SHISA6: variants seen among roughly 807,000 people sequenced by gnomAD.
SHISA6 encodes the protein protein shisa-6.
A neutral mutation model predicts 47.9 loss-of-function variants in SHISA6; 22 were observed. The observed-to-expected ratio is 0.46, with a 90% CI of 0.33 to 0.66. SHISA6 has a LOEUF of 0.66. Ranked by LOEUF, SHISA6 falls within the 30% of genes least tolerant of loss-of-function variation. The pLI is 0.02. For synonymous variants in SHISA6, 388 were observed against 337.8 expected (o/e 1.15, Z -1.63); for missense variants, 680 against 764.6 (o/e 0.89, Z 1.30).
intron 1 of SHISA6, among the ~76,000 whole-genome samples, chr17:11,245,756 G>GT (rs897239838): frequency 1.3e-5 from 2 of 148,944 alleles, no homozygotes; most frequent in Admixed American, 1.3e-4. Flanking sequence ...GGGTGGGGGG[G>GT]GTGGATATCT....
chr17:11,518,373 GT>G (rs1242065219), intron 3 of SHISA6, among the ~76,000 whole-genome samples: 2 of 152,054 alleles, frequency 1.3e-5, no homozygotes, highest in African/African-American at 4.8e-5. Flanking sequence ...TCAAATGATA[GT>G]TTTTTTGCTT....
rs3034221 is a variant in SHISA6, at chr17:11,397,395, CTGTGTGTGTGTG to C, written c.895+17910_895+17921del. On this transcript the variant is annotated intron_variant, in intron 3 of 5. Transcript: ENST00000441885. ...TAAATGTCTACTCTCTTACCTGCCT[CTGTGTGTGTGTG>C]TGTGTGTGTGTGTGTGTGTGTGTTC... Among the ~76,000 whole-genome samples, 945 of 140,520 alleles carry C rather than the reference CTGTGTGTGTGTG, an allele frequency of 6.7e-3. 10 individuals carry two copies. Among genetic ancestry groups the C allele is most frequent in the African/African-American group, 0.021 (753 of 36,410 alleles). 92.2% of individuals were successfully genotyped at this position (140,520 alleles called of 152,430 possible).
intron 3 of SHISA6, among the ~76,000 whole-genome samples, chr17:11,488,208 GC>G (rs1184952660): frequency 1.3e-5 from 2 of 151,998 alleles, no homozygotes; most frequent in Non-Finnish European, 2.9e-5. Flanking sequence ...CTGCGAATTG[GC>G]CCTGAGAAAT....
At chr17:11,361,342 C>T (rs1300755192) in intron 2 of SHISA6, among the ~76,000 whole-genome samples, 2 of 152,122 alleles carry the variant, frequency 1.3e-5, no homozygotes, top group African/African-American at 4.8e-5. Context: ...TATTGCCATG[C>T]ATTTTTAAAT....
intron 2 of SHISA6, among the ~76,000 whole-genome samples, chr17:11,377,381 G>T (rs894951124): frequency 9.2e-5 from 14 of 152,186 alleles, no homozygotes; most frequent in African/African-American, 3.4e-4. Context: ...CCAGAAGGGA[G>T]GGTGTGAGGG....
intron 3 of SHISA6, among the ~76,000 whole-genome samples, chr17:11,450,177 T>C (rs910116940): frequency 3.3e-5 from 5 of 151,512 alleles, no homozygotes; most frequent in African/African-American, 1.2e-4. Flanking sequence ...TGAGCCACCA[T>C]GCCCAGCCGG....
At chr17:11,373,887 G>A (rs1697837722) in intron 2 of SHISA6, among the ~76,000 whole-genome samples, 1 of 152,174 alleles carries the variant, frequency 6.6e-6, no homozygotes, top group South Asian at 2.1e-4. Context: ...ATCTCCTTAT[G>A]CACGTGTGAG....
intron 2 of SHISA6, among the ~76,000 whole-genome samples, chr17:11,344,953 C>T (rs145216103): frequency 6.6e-4 from 101 of 152,182 alleles, no homozygotes; most frequent in African/African-American, 2.4e-3. Flanking sequence ...CCTTTCCTAC[C>T]ATGTAATAAC....
chr17:11,350,185 T>TATTTATTTATTTATTTATTTA (rs770023770), intron 2 of SHISA6, among the ~76,000 whole-genome samples: 1 of 118,484 alleles, frequency 8.4e-6, no homozygotes, highest in Admixed American at 8.6e-5. Flanking sequence ...TTTATTTATT[T>TATTTATTTATTTATTTATTTA]TTTTTTTTTT....
intron 3 of SHISA6, among the ~76,000 whole-genome samples, chr17:11,456,994 A>G (rs1567610845): frequency 6.6e-6 from 1 of 151,998 alleles, no homozygotes; most frequent in Admixed American, 6.5e-5. Flanking sequence ...GCCACTACCT[A>G]CAATCTCATC....
intron 3 of SHISA6, among the ~76,000 whole-genome samples, chr17:11,414,704 A>G (rs1042580403): frequency 1.3e-5 from 2 of 152,348 alleles, no homozygotes; most frequent in Admixed American, 6.5e-5. Context: ...CATGTAGGCA[A>G]ATATCAGTCT....
intron 2 of SHISA6, among the ~76,000 whole-genome samples, chr17:11,325,437 G>T (rs758619883): frequency 5.3e-5 from 8 of 152,234 alleles, no homozygotes; most frequent in Non-Finnish European, 8.8e-5. Context: ...CCATCTCCTT[G>T]TCCAGCTCCA....
rs1014990596 is a variant in SHISA6 at position 11,280,063 on chromosome 17, G to A, written c.799+16537G>A. On this transcript the variant is annotated intron_variant, in intron 2 of 5. Transcript: ENST00000441885. ...GCCTTGTCTTTTTCTAAGAAGGAGCGAAATGTTTTCCTATGTAAACATTCT... is the reference window on the plus strand; with the variant it reads ...GCCTTGTCTTTTTCTAAGAAGGAGCAAAATGTTTTCCTATGTAAACATTCT... Among the ~76,000 whole-genome samples the A allele has an allele frequency of 3.9e-5, 6 of 152,192 alleles. No individual in the cohort carries two copies. The East Asian group carries it at 7.7e-4, about 20-fold the overall frequency.
intron 3 of SHISA6, among the ~76,000 whole-genome samples, chr17:11,384,279 G>A (rs933680695): frequency 6.6e-6 from 1 of 152,168 alleles, no homozygotes; most frequent in Non-Finnish European, 1.5e-5. Context: ...GTGCTTCCAT[G>A]GGAACCACAA....
chr17:11,342,161 C>A (rs1237035268), intron 2 of SHISA6, among the ~76,000 whole-genome samples: 3 of 152,104 alleles, frequency 2.0e-5, no homozygotes, highest in Non-Finnish European at 4.4e-5. Flanking sequence ...GATCCCAGAT[C>A]CCCCAGAGGA....
chr17:11,382,183 C>T (rs1235950426), intron 3 of SHISA6, among the ~76,000 whole-genome samples: 1 of 152,078 alleles, frequency 6.6e-6, no homozygotes, highest in African/African-American at 2.4e-5. Context: ...AGTGATCCTT[C>T]CATTTCAGCC....
At chr17:11,325,145 C>T (rs1485069559) in intron 2 of SHISA6, among the ~76,000 whole-genome samples, 1 of 152,152 alleles carries the variant, frequency 6.6e-6, no homozygotes, top group East Asian at 1.9e-4. Context: ...CGAGGATCAC[C>T]CCAGATGGAA....
intron 2 of SHISA6, among the ~76,000 whole-genome samples, chr17:11,266,606 T>C (rs1263177151): frequency 2.0e-5 from 3 of 152,244 alleles, no homozygotes; most frequent in Non-Finnish European, 2.9e-5. Flanking sequence ...GTTGTTTTAA[T>C]GGTATAATCA....
chr17:11,329,562 G>A (rs899437972), intron 2 of SHISA6, among the ~76,000 whole-genome samples: 8 of 151,980 alleles, frequency 5.3e-5, no homozygotes, highest in Admixed American at 1.3e-4. Flanking sequence ...GATGGGTGGC[G>A]GCACAATGCA....
Sources: gnomAD v4.1 joint callset for allele counts (sites outside exome capture counted in the v4.1 genomes callset) on GRCh38, gnomAD v4.1.1 for gene constraint, MANE v1.5 for transcripts, NCBI Gene and HGNC (gene_info 2026-07-23, HGNC 2026-07-21) for gene names.